SSBP2: variants seen among roughly 807,000 people sequenced by gnomAD.
SSBP2 encodes the protein single-stranded DNA-binding protein 2.
In SSBP2, 17 loss-of-function variants were observed where a neutral mutation model predicts 61.8. That is an observed-to-expected ratio of 0.28 (90% CI 0.19 to 0.41). The LOEUF is 0.41. Among genes scored for constraint, SSBP2 ranks in the 10% least tolerant of loss-of-function variants. The pLI is 1.00. For missense variants in SSBP2, 310 were observed against 458.7 expected (o/e 0.68, Z 2.96); for synonymous variants, 139 against 141.3 (o/e 0.98, Z 0.12).
At chr5:81,454,316 A>T (rs1763981697) in intron 10 of SSBP2, among the ~76,000 whole-genome samples, 1 of 152,210 alleles carries the variant, frequency 6.6e-6, no homozygotes, top group Non-Finnish European at 1.5e-5. Flanking sequence ...ATGGAAAGGG[A>T]CATAGACTAA....
chr5:81,649,935 T>C (rs1372367869), intron 2 of SSBP2, among the ~76,000 whole-genome samples: 2 of 152,090 alleles, frequency 1.3e-5, no homozygotes, highest in Admixed American at 1.3e-4. Flanking sequence ...ATTGTTCGAG[T>C]GAGAGATATG....
chr5:81,453,411 A>G (rs1394068152), intron 10 of SSBP2, among the ~76,000 whole-genome samples: 1 of 151,078 alleles, frequency 6.6e-6, no homozygotes, highest in Non-Finnish European at 1.5e-5. Flanking sequence ...TTTAAGAAGG[A>G]GGTAGCAGAT....
At position 81,446,850 on chromosome 5, in the gene SSBP2, C is replaced by G. The variant is rs1408360573; in HGVS notation, c.778+18G>C. 2 of 1,601,624 alleles carry G rather than the reference C, an allele frequency of 1.2e-6. No homozygotes were observed. Among genetic ancestry groups the G allele is most frequent in the South Asian group, 2.3e-5 (2 of 88,300 alleles). On this transcript the variant is annotated intron_variant, in intron 12 of 16. Coordinates refer to ENST00000320672, the MANE Select transcript of SSBP2 (RefSeq NM_012446.5). ...TTCTAATAATCAAATGCCCATGTGG[C>G]TAGTTTGATTACAATACCTGCTGGA... is the stretch of plus-strand genomic sequence containing the variant.
intron 4 of SSBP2, among the ~76,000 whole-genome samples, chr5:81,560,035 GA>G (rs1772925115): frequency 1.3e-5 from 2 of 151,996 alleles, no homozygotes; most frequent in South Asian, 4.1e-4. Flanking sequence ...ATCAAAAACT[GA>G]AAAATATGAT....
intron 1 of SSBP2, among the ~76,000 whole-genome samples, chr5:81,652,468 G>A (rs559792239): frequency 6.6e-6 from 1 of 152,248 alleles, no homozygotes; most frequent in East Asian, 1.9e-4. Flanking sequence ...TTCAACTGGA[G>A]ATTCTGAAGT....
intron 1 of SSBP2, among the ~76,000 whole-genome samples, chr5:81,658,036 T>G (rs771476380): frequency 6.6e-6 from 1 of 152,196 alleles, no homozygotes; most frequent in Non-Finnish European, 1.5e-5. Flanking sequence ...GCCTCAAATA[T>G]TTATCTTTTC....
intron 10 of SSBP2, among the ~76,000 whole-genome samples, chr5:81,460,356 G>A (rs533377433): frequency 2.6e-5 from 4 of 152,212 alleles, no homozygotes; most frequent in African/African-American, 7.2e-5. Flanking sequence ...CTCACATATC[G>A]AAGAACTCAA....
At position 81,416,599 on chromosome 5, in the gene SSBP2, A is replaced by G. The variant is rs1214362132; in HGVS notation, c.*3905T>C. The G allele has an allele frequency of 6.6e-6, 1 of 152,214 alleles. No homozygotes were observed. Among genetic ancestry groups the G allele is most frequent in the Non-Finnish European group, 1.5e-5 (1 of 68,040 alleles). 9.4% of individuals were successfully genotyped at this position (152,214 alleles called of 1,614,324 possible). ...TGCTTTGCTATACATTCCTAGGGACAATATGATGAAGAAAAGATATAGACA... is the reference window on the plus strand; with the variant it reads ...TGCTTTGCTATACATTCCTAGGGACGATATGATGAAGAAAAGATATAGACA... On this transcript the variant is annotated 3_prime_UTR_variant, in exon 17 of 17. Transcript: ENST00000320672.
At chr5:81,728,941 T>C (rs1432492933) in intron 1 of SSBP2, among the ~76,000 whole-genome samples, 2 of 152,178 alleles carry the variant, frequency 1.3e-5, no homozygotes. Flanking sequence ...AATTACTTAT[T>C]GAGTCTTAAA....
upstream of SSBP2, chr5:81,751,202 A>G (rs1298526214): frequency 2.7e-6 from 2 of 740,950 alleles, no homozygotes; most frequent in Non-Finnish European, 4.5e-6. Flanking sequence ...CGCGAGACTG[A>G]CAGGCCTCCC....
intron 1 of SSBP2, among the ~76,000 whole-genome samples, chr5:81,668,041 A>T (rs1751293133): frequency 1.3e-5 from 2 of 152,136 alleles, no homozygotes; most frequent in Non-Finnish European, 2.9e-5. Flanking sequence ...CTGAGAGAAT[A>T]ATGCTGTAAC....
At chr5:81,585,227 C>G (rs990820868) in intron 4 of SSBP2, among the ~76,000 whole-genome samples, 7 of 152,062 alleles carry the variant, frequency 4.6e-5, no homozygotes, top group African/African-American at 1.7e-4. Flanking sequence ...TTACATTACT[C>G]TGTCTCTCTG....
chr5:81,630,744 T>C (rs1747628552), intron 3 of SSBP2, among the ~76,000 whole-genome samples: 1 of 148,374 alleles, frequency 6.7e-6, no homozygotes, highest in Admixed American at 6.7e-5. Flanking sequence ...AGCTGCACCG[T>C]CTGACAGCTA....
At chr5:81,645,445 G>C (rs1749161673) in intron 2 of SSBP2, among the ~76,000 whole-genome samples, 1 of 152,082 alleles carries the variant, frequency 6.6e-6, no homozygotes, top group Non-Finnish European at 1.5e-5. Flanking sequence ...TGACAAAGAA[G>C]GGGTAGTCAT....
At position 81,483,764 on chromosome 5, in the gene SSBP2, T is replaced by C. The variant is rs184972009; in HGVS notation, c.432+5486A>G. Among the ~76,000 whole-genome samples, 168 of 149,338 alleles carry C rather than the reference T, an allele frequency of 1.1e-3. 1 individual carries two copies. Among genetic ancestry groups the C allele is most frequent in the South Asian group, 6.4e-3 (30 of 4,700 alleles). On this transcript the variant is annotated intron_variant, in intron 6 of 16. Coordinates refer to ENST00000320672, the MANE Select transcript of SSBP2 (RefSeq NM_012446.5). ...CAACTCACCATTTGACATATATATA[T>C]ACACACACACACACACACACATTTA...
chr5:81,677,994 T>G (rs1210010891), intron 1 of SSBP2, among the ~76,000 whole-genome samples: 1 of 152,184 alleles, frequency 6.6e-6, no homozygotes, highest in Admixed American at 6.5e-5. Context: ...CAGCACATCA[T>G]GTCTGGCTTT....
chr5:81,606,342 G>T (rs1346448214), intron 4 of SSBP2, among the ~76,000 whole-genome samples: 2 of 152,100 alleles, frequency 1.3e-5, no homozygotes, highest in East Asian at 3.9e-4. Flanking sequence ...AGGTCAGCTA[G>T]GAAAGTGCCC....
intron 6 of SSBP2, among the ~76,000 whole-genome samples, chr5:81,481,998 G>A (rs1766026139): frequency 6.6e-6 from 1 of 151,928 alleles, no homozygotes. Context: ...CTGGGGTGCA[G>A]TGGTGCAATC....
chr5:81,729,420 C>T (rs1024475596), intron 1 of SSBP2, among the ~76,000 whole-genome samples: 6 of 152,128 alleles, frequency 3.9e-5, no homozygotes, highest in Non-Finnish European at 8.8e-5. Context: ...GATATACACA[C>T]AGCAAAATGG....
Sources: allele counts gnomAD v4.1 joint callset (sites outside exome capture counted in the v4.1 genomes callset), GRCh38; gene constraint gnomAD v4.1.1; transcripts MANE v1.5; gene names NCBI Gene and HGNC (gene_info 2026-07-23, HGNC 2026-07-21).